The following CNTN5 variants were observed in gnomAD, a reference collection of about 807,000 sequenced individuals.
The protein encoded by CNTN5 is contactin-5.
CNTN5 carries 77 observed loss-of-function variants against 129.1 expected under a neutral mutation model. The observed-to-expected ratio is 0.60, with a 90% confidence interval of 0.50 to 0.72. The LOEUF (loss-of-function observed/expected upper bound fraction) is 0.72. Ranked by LOEUF, CNTN5 falls within the 30% of genes least tolerant of loss-of-function variation. CNTN5 has a pLI of 0.00. For missense variants in CNTN5, 1,478 were observed against 1,328.8 expected (o/e 1.11, Z -1.75); for synonymous variants, 509 against 465.6 (o/e 1.09, Z -1.20).
chr11:99,408,394 AAGAAAGAAGAGAG>A (rs1942194061), intron 2 of CNTN5, among the ~76,000 whole-genome samples: 1 of 149,062 alleles, frequency 6.7e-6, no homozygotes. Flanking sequence ...GAAAGAAAGA[AAGAAAGAAGAGAG>A]AGAAAGAAAG....
intron 6 of CNTN5, among the ~76,000 whole-genome samples, chr11:99,861,096 C>T (rs1028242503): frequency 6.6e-6 from 1 of 151,864 alleles, no homozygotes; most frequent in Non-Finnish European, 1.5e-5. Flanking sequence ...GGTAGGACTA[C>T]AGGCGCCAAC....
At chr11:99,984,382 GAAAAGAA>G (rs1300943216) in intron 8 of CNTN5, among the ~76,000 whole-genome samples, 1 of 151,684 alleles carries the variant, frequency 6.6e-6, no homozygotes, top group Non-Finnish European at 1.5e-5. Context: ...AGAAAAGAAA[GAAAAGAA>G]AAAAGAAAAG....
chr11:99,563,541 C>T (rs750760585), intron 3 of CNTN5, among the ~76,000 whole-genome samples: 75 of 152,202 alleles, frequency 4.9e-4, no homozygotes, highest in Middle Eastern at 3.4e-3. Context: ...AACAAATCAG[C>T]CCACAATTTA....
intron 9 of CNTN5, among the ~76,000 whole-genome samples, chr11:100,045,721 A>T (rs982659161): frequency 1.4e-4 from 9 of 64,332 alleles, no homozygotes; most frequent in African/African-American, 4.5e-4. Flanking sequence ...ATTTATTATT[A>T]AAAAAAAAAA....
chr11:99,424,730 C>T (rs939713381), intron 2 of CNTN5, among the ~76,000 whole-genome samples: 1 of 152,256 alleles, frequency 6.6e-6, no homozygotes, highest in Non-Finnish European at 1.5e-5. Context: ...AGAAGGACTG[C>T]AGCTCTTCTC....
intron 16 of CNTN5, among the ~76,000 whole-genome samples, chr11:100,233,389 G>A (rs182964656): frequency 7.9e-5 from 12 of 152,260 alleles, no homozygotes; most frequent in Middle Eastern, 3.4e-3. Flanking sequence ...TATACTCACC[G>A]CAACTTAAGG....
At chr11:99,409,457 C>A (rs1026008426) in intron 2 of CNTN5, among the ~76,000 whole-genome samples, 1 of 151,958 alleles carries the variant, frequency 6.6e-6, no homozygotes, top group Non-Finnish European at 1.5e-5. Context: ...GACAACAGAG[C>A]GAGATTCCGT....
At chr11:100,269,823 A>T (rs924155544) in intron 17 of CNTN5, among the ~76,000 whole-genome samples, 9 of 152,154 alleles carry the variant, frequency 5.9e-5, no homozygotes, top group Non-Finnish European at 1.3e-4. Flanking sequence ...TAAGTAAATG[A>T]AACAGTGATG....
intron 8 of CNTN5, among the ~76,000 whole-genome samples, chr11:99,976,820 T>G (rs1457790324): frequency 6.6e-6 from 1 of 152,264 alleles, no homozygotes; most frequent in African/African-American, 2.4e-5. Context: ...CCACATTGTC[T>G]TGGCTATTAA....
intron 1 of CNTN5, among the ~76,000 whole-genome samples, chr11:99,314,525 T>G (rs557994103): frequency 6.6e-6 from 1 of 152,028 alleles, no homozygotes; most frequent in South Asian, 2.1e-4. Context: ...TAGTGAGAGA[T>G]TTTACTGTCT....
At chr11:99,796,469 G>C (rs1565542895) in intron 3 of CNTN5, among the ~76,000 whole-genome samples, 1 of 152,094 alleles carries the variant, frequency 6.6e-6, no homozygotes, top group East Asian at 1.9e-4. Flanking sequence ...GTAAGTGCGA[G>C]TGACCTGGTG....
intron 2 of CNTN5, among the ~76,000 whole-genome samples, chr11:99,433,375 G>A (rs3990846): frequency 0.11 from 3,213 of 30,338 alleles, 54 homozygotes; most frequent in East Asian, 0.42. Context: ...AAAAAAATGT[G>A]TGTGTGTGTG....
At position 100,144,285 on chromosome 11, in the gene CNTN5, G is replaced by A. The variant is rs558660500; in HGVS notation, c.1581-46841G>A. On this transcript the variant is annotated intron_variant, in intron 13 of 24. Coordinates refer to ENST00000524871, the MANE Select transcript of CNTN5 (RefSeq NM_014361.4). ...ATTTGTTATGTAGATTTATTGTATA[G>A]TGCTGGGGTTTCGGCTTCTATTGAA... is the stretch of plus-strand genomic sequence containing the variant. 4.6e-5 allele frequency among the ~76,000 whole-genome samples: 7 copies of A among 151,944 alleles called. No homozygotes were observed. The South Asian group carries it at 1.5e-3, about 32-fold the overall frequency.
rs397848951 is a variant in CNTN5, at chr11:99,375,302, C to CAA, written c.-71+49841_-71+49842dup. On this transcript the variant is annotated intron_variant, in intron 2 of 24. Coordinates refer to ENST00000524871, the MANE Select transcript of CNTN5 (RefSeq NM_014361.4). ...TGGGTGACAGAGTGGGAGTCTGTCT[C>CAA]AAAAAAAAAAAAAAAAAAAAAAAAG... Among the ~76,000 whole-genome samples, 353 of 53,152 alleles carry CAA rather than the reference C, an allele frequency of 6.6e-3. 8 individuals carry two copies. Among genetic ancestry groups the CAA allele is most frequent in the African/African-American group, 0.014 (158 of 11,114 alleles). 34.9% of individuals were successfully genotyped at this position (53,152 alleles called of 152,430 possible).
chr11:100,290,928 C>G (rs1442463310), intron 18 of CNTN5, among the ~76,000 whole-genome samples: 4 of 151,832 alleles, frequency 2.6e-5, no homozygotes, highest in Admixed American at 2.6e-4. Context: ...ACAAACAACC[C>G]CATCAAACAG....
At chr11:99,301,575 G>A (rs903074379) in intron 1 of CNTN5, among the ~76,000 whole-genome samples, 7 of 151,546 alleles carry the variant, frequency 4.6e-5, no homozygotes, top group African/African-American at 1.7e-4. Flanking sequence ...CTGACAACAG[G>A]GTCTCAAAAT....
intron 6 of CNTN5, among the ~76,000 whole-genome samples, chr11:99,862,675 C>A (rs545730679): frequency 5.9e-5 from 9 of 151,940 alleles, no homozygotes; most frequent in Non-Finnish European, 2.9e-5. Flanking sequence ...AATGGTAAAT[C>A]ACTGGTAAAC....
intron 1 of CNTN5, among the ~76,000 whole-genome samples, chr11:99,156,617 C>T (rs929532359): frequency 2.0e-5 from 3 of 151,934 alleles, no homozygotes; most frequent in Non-Finnish European, 4.4e-5. Context: ...ACTACAAATA[C>T]GAAAATTAGC....
At chr11:99,831,209 T>A (rs904860093) in intron 4 of CNTN5, among the ~76,000 whole-genome samples, 4 of 152,156 alleles carry the variant, frequency 2.6e-5, no homozygotes, top group African/African-American at 9.7e-5. Flanking sequence ...AAAAATAAAT[T>A]TGTTTATTCC....
Sources: gnomAD v4.1 joint callset for allele counts (sites outside exome capture counted in the v4.1 genomes callset) on GRCh38, gnomAD v4.1.1 for gene constraint, MANE v1.5 for transcripts, NCBI Gene and HGNC (gene_info 2026-07-23, HGNC 2026-07-21) for gene names.